The following ACOT7 variants were observed in gnomAD, a reference collection of about 807,000 sequenced individuals.
ACOT7 encodes cytosolic acyl coenzyme A thioester hydrolase.
A neutral mutation model predicts 40.2 loss-of-function variants in ACOT7; 12 were observed. The ratio of observed to expected loss-of-function variants is 0.30; its 90% confidence interval spans 0.19 to 0.48. The LOEUF is 0.48. Among genes scored for constraint, ACOT7 ranks in the 20% least tolerant of loss-of-function variants. The pLI is 0.99. For missense variants in ACOT7, 395 were observed against 530.8 expected, an observed-to-expected ratio of 0.74 and a Z score of 2.51; for synonymous variants, 228 against 219.5, an observed-to-expected ratio of 1.04 and a Z score of -0.34.
At chr1:6,340,262 G>A (rs763693100) in intron 2 of ACOT7, among the ~76,000 whole-genome samples, 3 of 152,124 alleles carry the variant, frequency 2.0e-5, no homozygotes, top group African/African-American at 4.8e-5. Context: ...CACCGCGCCC[G>A]GCCTAGCACC....
At chr1:6,363,018 A>G (rs77865582) in intron 1 of ACOT7, among the ~76,000 whole-genome samples, 3,778 of 152,346 alleles carry the variant, frequency 0.025, 157 homozygotes, top group African/African-American at 0.086. Context: ...TAAGAATTAT[A>G]CTAGATCTAG....
intron 2 of ACOT7, 40 bp downstream of exon 2, chr1:6,349,709 C>T (rs748928255): frequency 1.4e-5 from 22 of 1,572,800 alleles, no homozygotes; most frequent in East Asian, 1.4e-4. Context: ...CACACTGGTG[C>T]GGCCTCCAGG....
intron 1 of ACOT7, among the ~76,000 whole-genome samples, chr1:6,362,771 T>G (rs1195224954): frequency 6.6e-6 from 1 of 152,086 alleles, no homozygotes; most frequent in Non-Finnish European, 1.5e-5. Flanking sequence ...GACCTTTGGC[T>G]AGGCGCGGTC....
At chr1:6,267,621 T>C (rs1338119309) in intron 8 of ACOT7, among the ~76,000 whole-genome samples, 1 of 152,250 alleles carries the variant, frequency 6.6e-6, no homozygotes, top group Non-Finnish European at 1.5e-5. Flanking sequence ...CACACTGGGA[T>C]GAAGGTTCTG....
chr1:6,350,209 C>T (rs1326162380), intron 1 of ACOT7, among the ~76,000 whole-genome samples: 1 of 152,176 alleles, frequency 6.6e-6, no homozygotes, highest in Non-Finnish European at 1.5e-5. Context: ...GGTGATCAGC[C>T]CTTGGGGTTC....
intron 6 of ACOT7, among the ~76,000 whole-genome samples, chr1:6,312,039 G>A (rs77907608): frequency 0.027 from 4,127 of 152,260 alleles, 197 homozygotes; most frequent in African/African-American, 0.094. Context: ...TCAAGTGGAG[G>A]AGACATACAG....
intron 1 of ACOT7, among the ~76,000 whole-genome samples, chr1:6,391,505 C>CA (rs1642532420): frequency 6.6e-6 from 1 of 151,844 alleles, no homozygotes. Context: ...GACTCTGTCT[C>CA]AAAAAACAAA....
chr1:6,356,656 C>T (rs1641751774), intron 1 of ACOT7, among the ~76,000 whole-genome samples: 1 of 152,218 alleles, frequency 6.6e-6, no homozygotes, highest in African/African-American at 2.4e-5. Flanking sequence ...CAGTGGCTCA[C>T]ACCTGTAATC....
rs61763925 is a variant in ACOT7 at position 6,358,483 on chromosome 1, A to G, written c.144-8617T>C. Among the ~76,000 whole-genome samples the G allele has an allele frequency of 0.11, 16,113 of 152,266 alleles. 1,679 individuals carry two copies. Among genetic ancestry groups the G allele is most frequent in the African/African-American group, 0.26 (10,986 of 41,516 alleles). On this transcript the variant is annotated intron_variant, in intron 1 of 8. Transcript: ENST00000361521. This position sits in a 1 kb window ranked among gnomAD's most constrained non-coding sequence, Gnocchi z 4.1. ...AACCGCAGTGAACCCAGCCCAGCTG[A>G]AGGGAGCAGAGGGAAGCCACAGGAG...
intron 3 of ACOT7, among the ~76,000 whole-genome samples, chr1:6,334,236 A>G (rs1157558438): frequency 6.6e-6 from 1 of 152,202 alleles, no homozygotes; most frequent in African/African-American, 2.4e-5. Context: ...GCTGACATCG[A>G]ACGTCAAAAT....
At chr1:6,363,331 C>T (rs186127303) in intron 1 of ACOT7, among the ~76,000 whole-genome samples, 2 of 152,146 alleles carry the variant, frequency 1.3e-5, no homozygotes, top group East Asian at 1.9e-4. Context: ...GAAAAACACC[C>T]GCCACTTAGC....
Position 6,282,947 on chromosome 1 carries a change from C to T in ACOT7, c.830-1661G>A. On this transcript the variant is annotated intron_variant, in intron 7 of 8. Transcript: ENST00000361521. This position sits in a 1 kb window ranked among gnomAD's most constrained non-coding sequence, Gnocchi z 4.5. Reference sequence around the variant, plus strand: ...CCCAGCATCTCTGCCTCCTTCCTCACAATGCCCAGCCCACATCCCTCACCA... The same window carrying T: ...CCCAGCATCTCTGCCTCCTTCCTCATAATGCCCAGCCCACATCCCTCACCA... 2.1e-6 allele frequency: 1 copy of T among 486,356 alleles called. No individual in the cohort carries two copies. Among genetic ancestry groups the T allele is most frequent in the South Asian group, 1.5e-5 (1 of 64,808 alleles). The allele number at this position is 486,356 out of a possible 1,614,324, so 30.1% of individuals were successfully genotyped here. A position where few individuals can be genotyped will look rare whatever the true frequency, so the allele number is the denominator to read the frequency against.
chr1:6,372,912 GGGTA>G (rs1642158911), intron 1 of ACOT7, among the ~76,000 whole-genome samples: 1 of 152,158 alleles, frequency 6.6e-6, no homozygotes, highest in Non-Finnish European at 1.5e-5. Flanking sequence ...ACTAGAGGTA[GGGTA>G]TTAATTGGTC....
chr1:6,348,030 T>C (rs1355666311), intron 2 of ACOT7, among the ~76,000 whole-genome samples: 2 of 152,114 alleles, frequency 1.3e-5, no homozygotes, highest in African/African-American at 4.8e-5. Context: ...TGTCTCTCTC[T>C]GGAAGGGTGC....
At chr1:6,329,224 C>T (rs1161185212) in intron 4 of ACOT7, among the ~76,000 whole-genome samples, 1 of 152,256 alleles carries the variant, frequency 6.6e-6, no homozygotes, top group African/African-American at 2.4e-5. Flanking sequence ...TTCACCGTTC[C>T]TCGGCGTAAC....
Position 6,294,071 on chromosome 1 carries a change from A to G in ACOT7, c.829+793T>C, listed in dbSNP as rs1345157650. ...GGTCTCAGCCAACAGCTCCTCCAAC[A>G]AGCCGCTTTAATGAGGTGGTGTCCT... is the stretch of plus-strand genomic sequence containing the variant. On this transcript the variant is annotated intron_variant, in intron 7 of 8. Transcript: ENST00000361521. This position sits in a 1 kb window ranked among gnomAD's most constrained non-coding sequence, Gnocchi z 4.6. Among the ~76,000 whole-genome samples, 2 of 152,206 alleles carry G rather than the reference A, an allele frequency of 1.3e-5. No individual in the cohort carries two copies. Among genetic ancestry groups the G allele is most frequent in the African/African-American group, 4.8e-5 (2 of 41,450 alleles).
chr1:6,285,476 C>T (rs1023997179), intron 7 of ACOT7, among the ~76,000 whole-genome samples: 1 of 152,242 alleles, frequency 6.6e-6, no homozygotes, highest in African/African-American at 2.4e-5. Context: ...CACCTGCCCA[C>T]GGGGCAGCAC....
At chr1:6,356,384 G>GCAGCACCCT (rs796908651) in intron 1 of ACOT7, among the ~76,000 whole-genome samples, 4 of 152,114 alleles carry the variant, frequency 2.6e-5, no homozygotes, top group African/African-American at 7.2e-5. Flanking sequence ...GGCAGCAGCG[G>GCAGCACCCT]CAGCACCCTC....
chr1:6,391,265 G>A lies in ACOT7; in HGVS notation c.143+1992C>T, dbSNP rs572444055. Reference sequence around the variant, plus strand: ...TGTAATCCCAGCACTTTGGGAGGCCGAGGAGGGCAGATCACAGATCACCTG... The same window carrying A: ...TGTAATCCCAGCACTTTGGGAGGCCAAGGAGGGCAGATCACAGATCACCTG... On this transcript the variant is annotated intron_variant, in intron 1 of 8. Coordinates refer to ENST00000361521, the MANE Select transcript of ACOT7 (RefSeq NM_007274.4). 4.0e-5 allele frequency among the ~76,000 whole-genome samples: 6 copies of A among 150,306 alleles called. No homozygotes were observed. The East Asian group carries it at 7.9e-4, about 20-fold the overall frequency.
Sources: allele counts gnomAD v4.1 joint callset (sites outside exome capture counted in the v4.1 genomes callset), GRCh38; gene constraint gnomAD v4.1.1; non-coding constraint Gnocchi (gnomAD v3.1); transcripts MANE v1.5; gene names NCBI Gene and HGNC (gene_info 2026-07-23, HGNC 2026-07-21).